USP28: variants seen among roughly 807,000 people sequenced by gnomAD.
USP28 encodes the protein ubiquitin specific peptidase 28, also known as ubiquitin carboxyl-terminal hydrolase 28.
In USP28, 113 loss-of-function variants were observed where a neutral mutation model predicts 145.0. That is an observed-to-expected ratio of 0.78 (90% confidence interval 0.67 to 0.91). The LOEUF (loss-of-function observed/expected upper bound fraction) is 0.91. Ranked by LOEUF, USP28 falls within the 40% of genes least tolerant of loss-of-function variation. USP28 has a pLI of 0.00. For synonymous variants in USP28, 447 were observed against 450.9 expected (o/e 0.99, Z 0.11); for missense variants, 1,201 against 1,289.6 (o/e 0.93, Z 1.05).
chr11:113,867,840 A>G (rs1565514587), intron 1 of USP28, among the ~76,000 whole-genome samples: 1 of 87,006 alleles, frequency 1.1e-5, no homozygotes, highest in Non-Finnish European at 2.1e-5. Context: ...GGAGGAAGAA[A>G]GGGAGGAAGG....
At chr11:113,817,688 C>A (rs1222519420) in exon 13 of USP28, 4 of 1,614,054 alleles carry the variant, frequency 2.5e-6, no homozygotes, top group African/African-American at 1.3e-5. Flanking sequence ...AGAAACCGAG[C>A]AGTGCACTGA....
At chr11:113,871,186 G>C (rs1259161469) in intron 1 of USP28, among the ~76,000 whole-genome samples, 1 of 152,146 alleles carries the variant, frequency 6.6e-6, no homozygotes, top group Non-Finnish European at 1.5e-5. Flanking sequence ...GCTGGAAAGA[G>C]ATGTACAAAA....
intron 1 of USP28, among the ~76,000 whole-genome samples, chr11:113,871,540 T>C (rs1948818446): frequency 6.6e-6 from 1 of 152,076 alleles, no homozygotes. Flanking sequence ...AGAGTCACAA[T>C]CAAAGTCTCC....
chr11:113,858,543 C>T (rs1380259709), intron 1 of USP28, among the ~76,000 whole-genome samples: 3 of 152,224 alleles, frequency 2.0e-5, no homozygotes, highest in Non-Finnish European at 4.4e-5. Context: ...AATGAATACG[C>T]CTGTGACTGA....
intron 12 of USP28, 163 bp from the exon 13 acceptor site, chr11:113,818,000 C>T: frequency 1.6e-6 from 1 of 616,904 alleles, no homozygotes; most frequent in Non-Finnish European, 2.5e-6. Flanking sequence ...GGTAAAAATT[C>T]TCTAACTACA....
In USP28 at chr11:113,823,768, T is replaced by A. The variant is rs1191105937; in HGVS notation, c.1188-68A>T. On this transcript the variant is annotated intron_variant, in intron 11 of 24. Transcript: ENST00000003302. ...TTAATGACATAAAGTCTCAGTAAACTAAAGATTCAAGGAAACTTCTTCAAT... is the reference window on the plus strand; with the variant it reads ...TTAATGACATAAAGTCTCAGTAAACAAAAGATTCAAGGAAACTTCTTCAAT... The A allele has an allele frequency of 5.3e-6, 7 of 1,322,042 alleles. No individual in the cohort carries two copies. The Middle Eastern group carries it at 7.8e-4, about 148-fold the overall frequency. 81.9% of individuals were successfully genotyped at this position (1,322,042 alleles called of 1,614,324 possible).
chr11:113,853,301 CAAAAAAAAAAAAAAAA>C (rs35806711), intron 2 of USP28, among the ~76,000 whole-genome samples: 7 of 54,966 alleles, frequency 1.3e-4, no homozygotes, highest in East Asian at 7.4e-4. Context: ...TCTCCTGTCT[CAAAAAAAAAAAAAAAA>C]AAAAAAAAAA....
intron 2 of USP28, among the ~76,000 whole-genome samples, chr11:113,852,869 A>G (rs1280418120): frequency 6.6e-6 from 1 of 152,134 alleles, no homozygotes; most frequent in Non-Finnish European, 1.5e-5. Context: ...AACAAAAGTG[A>G]AATCTTGATG....
intron 3 of USP28, among the ~76,000 whole-genome samples, chr11:113,844,994 C>A (rs1945652647): frequency 1.3e-5 from 2 of 151,502 alleles, no homozygotes; most frequent in Non-Finnish European, 2.9e-5. Flanking sequence ...GTGGTGTGAG[C>A]CCATAGTCCC....
At chr11:113,858,713 G>A (rs1221826510) in intron 1 of USP28, among the ~76,000 whole-genome samples, 3 of 152,182 alleles carry the variant, frequency 2.0e-5, no homozygotes, top group Non-Finnish European at 2.9e-5. Context: ...GGGTTCAAGC[G>A]ATTCTCCTGC....
exon 18 of USP28, chr11:113,808,379 A>G: frequency 6.2e-7 from 1 of 1,614,124 alleles, no homozygotes; most frequent in Non-Finnish European, 8.5e-7. Context: ...GCTCCTTTAC[A>G]ATCACAGCAT....
chr11:113,813,618 G>A (rs1941313638), intron 15 of USP28: 1 of 405,484 alleles, frequency 2.5e-6, no homozygotes, highest in Non-Finnish European at 4.4e-6. Context: ...ATTTTTATTA[G>A]TATCTGACAG....
At chr11:113,808,133 TA>T in intron 18 of USP28, 1 of 1,514,020 alleles carries the variant, frequency 6.6e-7, no homozygotes, top group Non-Finnish European at 8.8e-7. Flanking sequence ...TCAGCTTCTT[TA>T]AGCTGTGGCA....
intron 1 of USP28, chr11:113,874,903 G>A: frequency 1.0e-6 from 1 of 1,002,078 alleles, no homozygotes; most frequent in Non-Finnish European, 1.2e-6. Flanking sequence ...GGCAATAATT[G>A]GGGAGGCTGC....
At chr11:113,807,845 T>C (rs1940276692) in intron 18 of USP28, 106 bp downstream of exon 19, 1 of 770,492 alleles carries the variant, frequency 1.3e-6, no homozygotes, top group Non-Finnish European at 1.6e-6. Context: ...CAATCATTTT[T>C]TGCAACGAGA....
intron 1 of USP28, among the ~76,000 whole-genome samples, chr11:113,867,796 A>G (rs1948429903): frequency 7.5e-6 from 1 of 133,828 alleles, no homozygotes; most frequent in Admixed American, 7.8e-5. Context: ...AAAAGGAAAG[A>G]AGGAAGGGGG....
intron 1 of USP28, among the ~76,000 whole-genome samples, chr11:113,871,491 C>T (rs749819573): frequency 6.6e-6 from 1 of 152,142 alleles, no homozygotes; most frequent in Non-Finnish European, 1.5e-5. Flanking sequence ...GCAGCATTCC[C>T]GGCTTCTACG....
intron 16 of USP28, 54 bp downstream of exon 16, chr11:113,812,222 C>T: frequency 2.1e-6 from 3 of 1,407,500 alleles, no homozygotes; most frequent in Non-Finnish European, 2.0e-6. Context: ...CTGTTCTTCT[C>T]CCTGAGCAGT....
chr11:113,816,742 C>T (rs1031868977), intron 13 of USP28, among the ~76,000 whole-genome samples: 13 of 152,016 alleles, frequency 8.6e-5, no homozygotes, highest in African/African-American at 3.1e-4. Flanking sequence ...AAATAGCCTG[C>T]CGAACCACTT....
Sources: gnomAD v4.1 joint callset for allele counts (sites outside exome capture counted in the v4.1 genomes callset) on GRCh38, gnomAD v4.1.1 for gene constraint, MANE v1.5 for transcripts, NCBI Gene and HGNC (gene_info 2026-07-23, HGNC 2026-07-21) for gene names.